ENTPD2: variants seen among roughly 807,000 people sequenced by gnomAD.
ENTPD2 encodes the protein CD39 antigen-like 1.
A neutral mutation model predicts 46.8 loss-of-function variants in ENTPD2; 48 were observed. The ratio of observed to expected loss-of-function variants is 1.03; its 90% CI spans 0.81 to 1.30. The LOEUF (loss-of-function observed/expected upper bound fraction) is 1.30, where lower values mean the gene tolerates loss of function less well. ENTPD2 is among the 50% of genes most tolerant of loss of function. The pLI is 0.00. For synonymous variants in ENTPD2, 316 were observed against 286.1 expected, an observed-to-expected ratio of 1.10 and a Z score of -1.06; for missense variants, 707 against 651.1, an observed-to-expected ratio of 1.09 and a Z score of -0.93.
chr9:137,048,959 G>A lies in ENTPD2; in HGVS notation c.1266C>T (p.Gly422=). Residue 422 remains glycine, a synonymous_variant, in exon 8 of 9, where the codon GGC becomes GGT. Coordinates refer to ENST00000355097, the MANE Select transcript of ENTPD2 (RefSeq NM_203468.3). ...GYGFDERAFG[G]VIFQKKAADT... ...AGCCCACCTTCTTCTGGAAGATCAC[G>A]CCGCCGAAGGCGCGCTCGTCGAAGC... 6.9e-7 allele frequency: 1 copy of A among 1,450,240 alleles called. No homozygotes were observed. Among genetic ancestry groups the A allele is most frequent in the Non-Finnish European group, 9.2e-7 (1 of 1,085,502 alleles). 89.8% of individuals were successfully genotyped at this position (1,450,240 alleles called of 1,614,324 possible). A position where few individuals can be genotyped will look rare whatever the true frequency, so the allele number is the denominator to read the frequency against.
chr9:137,049,126 G>T, intron 7 of ENTPD2, 51 bp from the exon 8 acceptor site: 1 of 1,532,340 alleles, frequency 6.5e-7, no homozygotes, highest in South Asian at 1.2e-5. Context: ...GGAGGTCTCG[G>T]CCCCACGGGG....
intron 1 of ENTPD2, chr9:137,052,938 G>A (rs1393219179): frequency 6.6e-6 from 1 of 152,316 alleles, no homozygotes; most frequent in Non-Finnish European, 1.5e-5. Context: ...GGCTGGCCCT[G>A]CCTTGTTGGG....
rs756522474 is a variant in ENTPD2 at position 137,048,353 on chromosome 9, T to C, written c.*304A>G. On this transcript the variant is annotated 3_prime_UTR_variant, in exon 9 of 9. Transcript: ENST00000355097. ...GGGTTCAAGGAGCTGGATTGAGCGC[T>C]CTTTGCCCACCCAGGCTCCTGTGGG... is the stretch of plus-strand genomic sequence containing the variant. 1.5e-4 allele frequency: 51 copies of C among 341,574 alleles called. No individual in the cohort carries two copies. The highest frequency in any genetic ancestry group is 3.2e-4 in the Admixed American group (7 of 21,778). 21.2% of individuals were successfully genotyped at this position (341,574 alleles called of 1,614,324 possible).
Position 137,048,666 on chromosome 9 carries a change from G to A in ENTPD2, c.1479C>T (p.Ser493=). 6.3e-7 allele frequency: 1 copy of A among 1,593,672 alleles called. No homozygotes were observed. The highest frequency in any genetic ancestry group is 1.7e-5 in the Admixed American group (1 of 57,462). The change falls in exon 9 of 9, where the codon AGC becomes AGT. Residue 493 remains serine, a synonymous_variant. Transcript: ENST00000355097. The part of the protein sequence containing the change: ...LRQVHSAKLP[S]TI ...CTGCCCCCGTCGGCCCCTAAATGGT[G>A]CTTGGCAGCTTGGCGGAGTGCACCT... is the stretch of plus-strand genomic sequence containing the variant.
rs1832197473 is a variant in ENTPD2 at position 137,048,929 on chromosome 9, GC to G, written c.1284+11del. On this transcript the variant is annotated intron_variant, in intron 8 of 8. Coordinates refer to ENST00000355097, the MANE Select transcript of ENTPD2 (RefSeq NM_203468.3). ...CGCAAGGTCGGCCCCGCCCCGCCCC[GC>G]CCCAGCCCACCTTCTTCTGGAAGAT... The G allele has an allele frequency of 2.8e-6, 2 of 719,720 alleles. No homozygotes were observed. The highest frequency in any genetic ancestry group is 4.1e-6 in the Non-Finnish European group (2 of 485,192). The allele number at this position is 719,720 out of a possible 1,614,324, so 44.6% of individuals were successfully genotyped here. A position where few individuals can be genotyped will look rare whatever the true frequency, so the allele number is the denominator to read the frequency against.
chr9:137,051,712 G>A, intron 2 of ENTPD2, 52 bp from the exon 3 acceptor site: 1 of 1,541,336 alleles, frequency 6.5e-7, no homozygotes, highest in Non-Finnish European at 8.7e-7. Flanking sequence ...CCCCTAGGTG[G>A]GCCGTAGGCC....
At position 137,051,562 on chromosome 9, in the gene ENTPD2, G is replaced by A. The variant is rs1588556166; in HGVS notation, c.334C>T (p.His112Tyr). ...CCCAGGTAGAGGGGTGTGCCCGCGT[G>A]TCTCTCTTTGGGCACATCCTGAAGC... ...QALQDVPKER[H>Y]AGTPLYLGAT... is the part of the protein sequence containing the mutation. Residue 112 changes from histidine (H) to tyrosine (Y), a missense_variant, in exon 3 of 9, where the codon CAC becomes TAC. By Grantham distance (83) the His-to-Tyr change is moderately conservative (BLOSUM62 2). Transcript: ENST00000355097. 1 of 1,612,556 alleles carries A rather than the reference G, an allele frequency of 6.2e-7. No homozygotes were observed. The highest frequency in any genetic ancestry group is 2.2e-5 in the East Asian group (1 of 44,880).
Position 137,051,632 on chromosome 9 carries a change from G to T in ENTPD2, c.264C>A (p.Asn88Lys), listed in dbSNP as rs747924861. The change falls in exon 3 of 9, where the codon AAC becomes AAA. Residue 88 changes from asparagine to lysine, a missense_variant. Physicochemically the swap from Asn to Lys is moderately conservative, Grantham distance 94 (BLOSUM62 0). Coordinates refer to ENST00000355097, the MANE Select transcript of ENTPD2 (RefSeq NM_203468.3). The part of the protein sequence containing the change: ...PGGGISSYAD[N>K]PSGASQSLVG... Reference sequence around the variant, plus strand: ...CAAGACTCTGGCTGGCCCCAGAAGGGTTGTCTGCATAGCTGGAGATGCCCC... The same window carrying T: ...CAAGACTCTGGCTGGCCCCAGAAGGTTTGTCTGCATAGCTGGAGATGCCCC... 6.2e-7 allele frequency: 1 copy of T among 1,612,388 alleles called. No homozygotes were observed. Among genetic ancestry groups the T allele is most frequent in the Admixed American group, 1.7e-5 (1 of 59,944 alleles).
Position 137,054,033 on chromosome 9 carries a change from C to T in ENTPD2, c.-36G>A. On this transcript the variant is annotated 5_prime_UTR_variant, in exon 1 of 9. Coordinates refer to ENST00000355097, the MANE Select transcript of ENTPD2 (RefSeq NM_203468.3). ...GCGCGCGGGAGGACGATGCGTGGACCCGGAGAGTGCGGGGAGCCGGAGGCG... is the reference window on the plus strand; with the variant it reads ...GCGCGCGGGAGGACGATGCGTGGACTCGGAGAGTGCGGGGAGCCGGAGGCG... 1 of 1,181,552 alleles carries T rather than the reference C, an allele frequency of 8.5e-7. No individual in the cohort carries two copies. Among genetic ancestry groups the T allele is most frequent in the Non-Finnish European group, 1.1e-6 (1 of 950,008 alleles). The allele number at this position is 1,181,552 out of a possible 1,614,324, so 73.2% of individuals were successfully genotyped here.
Position 137,054,052 on chromosome 9 carries a change from G to C in ENTPD2, c.-55C>G, listed in dbSNP as rs1249220407. 1 of 1,132,174 alleles carries C rather than the reference G, an allele frequency of 8.8e-7. No homozygotes were observed. Among genetic ancestry groups the C allele is most frequent in the Non-Finnish European group, 1.1e-6 (1 of 907,932 alleles). 70.1% of individuals were successfully genotyped at this position (1,132,174 alleles called of 1,614,324 possible). On this transcript the variant is annotated 5_prime_UTR_variant, in exon 1 of 9. Transcript: ENST00000355097. ...GTGGACCCGGAGAGTGCGGGGAGCC[G>C]GAGGCGGAGGCGGGCGGGGCCGCGG...
At position 137,050,240 on chromosome 9, in the gene ENTPD2, C is replaced by A; in HGVS notation, c.1029+44G>T. 3.8e-6 allele frequency: 5 copies of A among 1,306,008 alleles called. 1 individual carries two copies. The highest frequency in any genetic ancestry group is 3.5e-5 in the East Asian group (1 of 28,282). 80.9% of individuals were successfully genotyped at this position (1,306,008 alleles called of 1,614,324 possible). The stretch of plus-strand genomic sequence containing the variant: ...AAAGTTCCCAGCCACCCGCCTGTCC[C>A]TACCCACGACAAAGTTCCCAGCCAC... On this transcript the variant is annotated intron_variant, in intron 6 of 8. Coordinates refer to ENST00000355097, the MANE Select transcript of ENTPD2 (RefSeq NM_203468.3).
Position 137,051,101 on chromosome 9 carries a change from G to T in ENTPD2, c.575C>A (p.Pro192Gln). 1 of 1,612,786 alleles carries T rather than the reference G, an allele frequency of 6.2e-7. No homozygotes were observed. The highest frequency in any genetic ancestry group is 8.5e-7 in the Non-Finnish European group (1 of 1,179,984). Reference protein sequence around the residue: ...KYGWVGRWFRPRKGTLGAMDL... With the variant: ...KYGWVGRWFRQRKGTLGAMDL... ...CATGGCCCCCAGTGTCCCCTTCCGT[G>T]GCCGGAACCACCGGCCCACCCAGCC... is the stretch of plus-strand genomic sequence containing the variant. Residue 192 changes from proline (P) to glutamine (Q), a missense_variant, in exon 5 of 9, where the codon CCA (proline) becomes CAA (glutamine). Transcript: ENST00000355097.
chr9:137,048,923 C>CGCAAGGTCG lies in ENTPD2; in HGVS notation c.1284+17_1284+18insCGACCTTGC. 6.7e-7 allele frequency: 1 copy of CGCAAGGTCG among 1,502,466 alleles called. No homozygotes were observed. Among genetic ancestry groups the CGCAAGGTCG allele is most frequent in the Non-Finnish European group, 8.9e-7 (1 of 1,127,792 alleles). The allele number at this position is 1,502,466 out of a possible 1,614,324, so 93.1% of individuals were successfully genotyped here. A position where few individuals can be genotyped will look rare whatever the true frequency, so the allele number is the denominator to read the frequency against. ...CCGCCCCGCAAGGTCGGCCCCGCCCCGCCCCGCCCCAGCCCACCTTCTTCT... is the reference window on the plus strand; with the variant it reads ...CCGCCCCGCAAGGTCGGCCCCGCCCCGCAAGGTCGGCCCCGCCCCAGCCCACCTTCTTCT... On this transcript the variant is annotated intron_variant, in intron 8 of 8. Coordinates refer to ENST00000355097, the MANE Select transcript of ENTPD2 (RefSeq NM_203468.3).
intron 8 of ENTPD2, 25 bp downstream of exon 8, chr9:137,048,916 C>T: frequency 6.8e-7 from 1 of 1,481,248 alleles, no homozygotes; most frequent in Admixed American, 2.4e-5. Flanking sequence ...CAAGGTCGGC[C>T]CCGCCCCGCC....
At chr9:137,051,969 C>T (rs142370014) in intron 2 of ENTPD2, among the ~76,000 whole-genome samples, 211 of 152,348 alleles carry the variant, frequency 1.4e-3, no homozygotes, top group Non-Finnish European at 1.6e-3. Flanking sequence ...CCTCCTCCTG[C>T]TCCATCTGGG....
Position 137,050,986 on chromosome 9 carries a change from G to T in ENTPD2, c.690C>A (p.Gly230=). 1.3e-6 allele frequency: 2 copies of T among 1,587,142 alleles called. No individual in the cohort carries two copies. Among genetic ancestry groups the T allele is most frequent in the South Asian group, 1.1e-5 (1 of 89,852 alleles). The change falls in exon 5 of 9, where the codon GGC becomes GGA. Residue 230 remains glycine (G), a synonymous_variant. Transcript: ENST00000355097. ...TGTGGGTGTAGACTCGGTAGTGCTG[G>T]CCGTAGAGATGCAGCTGGACCTCGC... ...RASEVQLHLY[G]QHYRVYTHSF... is the part of the protein sequence containing the mutation.
At chr9:137,049,234 G>A (rs779471409) in intron 7 of ENTPD2, 159 bp from the exon 8 acceptor site, 3 of 1,235,780 alleles carry the variant, frequency 2.4e-6, no homozygotes, top group South Asian at 1.3e-5. Flanking sequence ...TGGCAAGACC[G>A]AGTCCGAGGG....
intron 5 of ENTPD2, 60 bp from the exon 6 acceptor site, chr9:137,050,598 C>G (rs961723907): frequency 1.3e-6 from 2 of 1,574,870 alleles, no homozygotes; most frequent in Non-Finnish European, 1.7e-6. Flanking sequence ...ACCAGCCTGA[C>G]AAACCTCCCA....
intron 2 of ENTPD2, among the ~76,000 whole-genome samples, chr9:137,051,917 G>T (rs1832305903): frequency 1.3e-5 from 2 of 152,226 alleles, no homozygotes; most frequent in Admixed American, 6.5e-5. Context: ...ACCCAGGTTG[G>T]CCTCCTGAGG....
Sources: allele counts gnomAD v4.1 joint callset (sites outside exome capture counted in the v4.1 genomes callset), GRCh38; gene constraint gnomAD v4.1.1; transcripts MANE v1.5; gene names NCBI Gene and HGNC (gene_info 2026-07-23, HGNC 2026-07-21).